The following GBE1 variants were observed in gnomAD, a reference collection of about 807,000 sequenced individuals.
The protein encoded by GBE1 is 1,4-alpha-glucan branching enzyme 1, also known as 1,4-alpha-glucan-branching enzyme.
A neutral mutation model predicts 88.8 loss-of-function variants in GBE1; 70 were observed. That is an observed-to-expected ratio of 0.79 (90% confidence interval 0.65 to 0.96). The LOEUF is 0.96. Ranked by LOEUF, GBE1 falls within the 40% of genes least tolerant of loss-of-function variation. The probability of loss-of-function intolerance (pLI) is 0.00; values close to 1 mark genes in which losing one functional copy is unlikely to be tolerated. For missense variants in GBE1, 872 were observed against 871.0 expected (o/e 1.00, Z -0.01); for synonymous variants, 284 against 300.1 (o/e 0.95, Z 0.56).
At chr3:81,552,332 G>A (rs888448620) in intron 12 of GBE1, among the ~76,000 whole-genome samples, 1 of 152,024 alleles carries the variant, frequency 6.6e-6, no homozygotes, top group African/African-American at 2.4e-5. Context: ...AGCCTGGCCA[G>A]CATGGCGAAA....
intron 7 of GBE1, among the ~76,000 whole-genome samples, chr3:81,600,256 T>C (rs912783269): frequency 6.7e-6 from 1 of 150,238 alleles, no homozygotes; most frequent in East Asian, 2.1e-4. Flanking sequence ...TGAGACTCCG[T>C]CTCAAAAACA....
intron 10 of GBE1, among the ~76,000 whole-genome samples, chr3:81,584,487 T>C (rs905075602): frequency 6.6e-6 from 1 of 152,098 alleles, no homozygotes; most frequent in African/African-American, 2.4e-5. Flanking sequence ...TTTATTGTAA[T>C]ACTATTTTAA....
intron 14 of GBE1, among the ~76,000 whole-genome samples, chr3:81,525,805 C>T (rs953944679): frequency 1.3e-5 from 2 of 152,040 alleles, no homozygotes; most frequent in Non-Finnish European, 2.9e-5. Flanking sequence ...TCTAGATTTT[C>T]TGGATTATTT....
At chr3:81,531,639 A>C (rs1703012587) in intron 14 of GBE1, among the ~76,000 whole-genome samples, 2 of 151,458 alleles carry the variant, frequency 1.3e-5, no homozygotes, top group South Asian at 4.2e-4. Context: ...CTGGAGCCTG[A>C]AATAGGGGCT....
At chr3:81,524,805 C>T (rs1364092673) in intron 14 of GBE1, among the ~76,000 whole-genome samples, 1 of 151,878 alleles carries the variant, frequency 6.6e-6, no homozygotes. Context: ...GTTTTGGTCA[C>T]TATAGCTCTG....
At chr3:81,562,023 T>A (rs374398463) in intron 12 of GBE1, among the ~76,000 whole-genome samples, 1 of 152,078 alleles carries the variant, frequency 6.6e-6, no homozygotes, top group Non-Finnish European at 1.5e-5. Context: ...TTTATGCAGA[T>A]CTTGAAGGTG....
At chr3:81,521,719 T>C (rs1435664286) in intron 14 of GBE1, among the ~76,000 whole-genome samples, 1 of 151,542 alleles carries the variant, frequency 6.6e-6, no homozygotes, top group Non-Finnish European at 1.5e-5. Flanking sequence ...TATTCTTTTA[T>C]CTTTTCTAAT....
intron 3 of GBE1, among the ~76,000 whole-genome samples, chr3:81,658,339 T>C (rs985304232): frequency 6.6e-6 from 1 of 151,998 alleles, no homozygotes; most frequent in African/African-American, 2.4e-5. Context: ...CAGACACCAA[T>C]GTATAGAACA....
chr3:81,659,932 G>T (rs1704999199), intron 3 of GBE1, among the ~76,000 whole-genome samples: 1 of 151,962 alleles, frequency 6.6e-6, no homozygotes, highest in Non-Finnish European at 1.5e-5. Flanking sequence ...ACAAATTAAG[G>T]TCTCACAGGT....
intron 7 of GBE1, chr3:81,612,526 C>A: frequency 1.1e-6 from 1 of 944,374 alleles, no homozygotes. Context: ...CGTCCTTCTC[C>A]CCAAGCAGTG....
intron 7 of GBE1, among the ~76,000 whole-genome samples, chr3:81,625,474 T>A (rs532415783): frequency 6.6e-6 from 1 of 152,036 alleles, no homozygotes; most frequent in Non-Finnish European, 1.5e-5. Flanking sequence ...TGTCTCACTC[T>A]GTTGCCCAGG....
intron 7 of GBE1, among the ~76,000 whole-genome samples, chr3:81,631,825 T>C (rs943248089): frequency 6.6e-6 from 1 of 152,176 alleles, no homozygotes; most frequent in African/African-American, 2.4e-5. Flanking sequence ...TTATTATACT[T>C]TAAGTTCTGG....
At chr3:81,549,599 A>G (rs1703247513) in intron 12 of GBE1, among the ~76,000 whole-genome samples, 1 of 151,460 alleles carries the variant, frequency 6.6e-6, no homozygotes, top group South Asian at 2.1e-4. Context: ...AGGAGCCCCA[A>G]GCTATCTTGT....
rs1471439689 is a variant in GBE1 at position 81,514,583 on chromosome 3, ACT to A, written c.1935-15358_1935-15357del. The stretch of plus-strand genomic sequence containing the variant: ...CTGAATCCACTGCTTCCAAGAACAC[ACT>A]GTTTTTGGCTCTAATATTTCCAACT... On this transcript the variant is annotated intron_variant, in intron 14 of 15. Transcript: ENST00000429644. Among the ~76,000 whole-genome samples the A allele has an allele frequency of 2.6e-5, 4 of 151,726 alleles. No homozygotes were observed. In the East Asian group the frequency reaches 5.8e-4, roughly 22 times the overall value.
At chr3:81,565,764 G>A (rs1215706131) in intron 12 of GBE1, among the ~76,000 whole-genome samples, 1 of 152,064 alleles carries the variant, frequency 6.6e-6, no homozygotes, top group Non-Finnish European at 1.5e-5. Flanking sequence ...ATGATAATAA[G>A]AGTGCTAAAC....
intron 1 of GBE1, among the ~76,000 whole-genome samples, chr3:81,711,180 G>T (rs1301999197): frequency 6.6e-6 from 1 of 152,176 alleles, no homozygotes; most frequent in African/African-American, 2.4e-5. Context: ...ATTGAGTATA[G>T]AATCCATTCT....
At chr3:81,595,127 T>TA (rs1177322179) in intron 7 of GBE1, among the ~76,000 whole-genome samples, 126 of 136,140 alleles carry the variant, frequency 9.3e-4, no homozygotes, top group Middle Eastern at 3.7e-3. Context: ...TTTACTAAGT[T>TA]AAAAAAAAAA....
At chr3:81,717,868 A>G (rs1029077954) in intron 1 of GBE1, among the ~76,000 whole-genome samples, 3 of 152,194 alleles carry the variant, frequency 2.0e-5, no homozygotes, top group Admixed American at 2.0e-4. Context: ...TACCATGTAC[A>G]AGAAACATGT....
chr3:81,642,975 A>C lies in GBE1; in HGVS notation c.798T>G (p.Pro266=). 1 of 1,609,380 alleles carries C rather than the reference A, an allele frequency of 6.2e-7. No homozygotes were observed. Among genetic ancestry groups the C allele is most frequent in the South Asian group, 1.1e-5 (1 of 90,612 alleles). The change falls in exon 7 of 16, where the codon CCT becomes CCG. Residue 266 remains proline, a synonymous_variant. Coordinates refer to ENST00000429644, the MANE Select transcript of GBE1 (RefSeq NM_000158.4). ...TGTCTACCAGTTCTTGTAGCTCTTC[A>C]GGTGTTCCATAACGGCTAACAATGA... The part of the protein sequence containing the change: ...FFAASSRYGT[P]EELQELVDTA...
Sources: allele counts gnomAD v4.1 joint callset (sites outside exome capture counted in the v4.1 genomes callset), GRCh38; gene constraint gnomAD v4.1.1; transcripts MANE v1.5; gene names NCBI Gene and HGNC (gene_info 2026-07-23, HGNC 2026-07-21).